ERBB4: variants seen among roughly 807,000 people sequenced by gnomAD.
The protein encoded by ERBB4 is receptor tyrosine-protein kinase erbB-4.
Under a neutral mutation model 158.0 loss-of-function variants are expected in ERBB4, and 42 were observed. That is an observed-to-expected ratio of 0.27 (90% CI 0.21 to 0.34). ERBB4 has a LOEUF of 0.34. Among genes scored for constraint, ERBB4 ranks in the 10% least tolerant of loss-of-function variants. ERBB4 has a pLI of 1.00. For synonymous variants in ERBB4, 583 were observed against 558.7 expected (o/e 1.04, Z -0.61); for missense variants, 1,333 against 1,624.1 (o/e 0.82, Z 3.08).
At chr2:212,219,263 G>A (rs1465105360) in intron 1 of ERBB4, among the ~76,000 whole-genome samples, 2 of 151,244 alleles carry the variant, frequency 1.3e-5, no homozygotes, top group African/African-American at 4.8e-5. Flanking sequence ...TTGCATTTCT[G>A]AAAAGTATAC....
intron 16 of ERBB4, among the ~76,000 whole-genome samples, chr2:211,650,188 A>G (rs2070932319): frequency 6.6e-6 from 1 of 152,072 alleles, no homozygotes; most frequent in African/African-American, 2.4e-5. Context: ...ATGGTGAAAT[A>G]AATTCAACTC....
chr2:212,323,886 G>A (rs1459569886), intron 1 of ERBB4, among the ~76,000 whole-genome samples: 5 of 150,292 alleles, frequency 3.3e-5, no homozygotes, highest in Non-Finnish European at 7.5e-5. Flanking sequence ...ATTGACTGAC[G>A]TGTTGAAGAA....
At chr2:211,643,109 A>G (rs936744551) in intron 16 of ERBB4, among the ~76,000 whole-genome samples, 2 of 152,088 alleles carry the variant, frequency 1.3e-5, no homozygotes, top group African/African-American at 4.8e-5. Context: ...TTCCTACTCC[A>G]TTACCCCTAA....
chr2:211,861,095 A>AT (rs1559585744), intron 3 of ERBB4, among the ~76,000 whole-genome samples: 2 of 35,070 alleles, frequency 5.7e-5, no homozygotes, highest in African/African-American at 2.3e-4. Flanking sequence ...AAAATATATA[A>AT]ATACATTATA....
At chr2:211,483,048 T>TA (rs1396607022) in intron 20 of ERBB4, among the ~76,000 whole-genome samples, 4 of 151,718 alleles carry the variant, frequency 2.6e-5, no homozygotes, top group Non-Finnish European at 4.4e-5. Context: ...ATAGAAGTTA[T>TA]AAAAAAAGAA....
intron 18 of ERBB4, among the ~76,000 whole-genome samples, chr2:211,622,135 T>G (rs1244714922): frequency 1.3e-5 from 2 of 152,230 alleles, no homozygotes; most frequent in African/African-American, 4.8e-5. Context: ...ATTATCCACA[T>G]AATTCGTTGA....
At chr2:212,357,395 C>T (rs554578503) in intron 1 of ERBB4, among the ~76,000 whole-genome samples, 6 of 151,738 alleles carry the variant, frequency 4.0e-5, no homozygotes, top group South Asian at 2.1e-4. Flanking sequence ...TGTGAGAATA[C>T]GACTTTAAAA....
At chr2:212,261,664 T>A (rs1399812450) in intron 1 of ERBB4, among the ~76,000 whole-genome samples, 1 of 152,126 alleles carries the variant, frequency 6.6e-6, no homozygotes, top group Admixed American at 6.6e-5. Flanking sequence ...AGCTACTTAG[T>A]GCTCAGATGC....
At chr2:211,514,855 T>G (rs980226168) in intron 20 of ERBB4, among the ~76,000 whole-genome samples, 3 of 152,138 alleles carry the variant, frequency 2.0e-5, no homozygotes, top group African/African-American at 7.2e-5. Context: ...TCTTTGAGTA[T>G]CACATTGGTG....
At chr2:212,477,739 C>T (rs936075371) in intron 1 of ERBB4, among the ~76,000 whole-genome samples, 1 of 152,066 alleles carries the variant, frequency 6.6e-6, no homozygotes, top group Non-Finnish European at 1.5e-5. Context: ...CTGCTTCATG[C>T]ATCTGTTTCC....
chr2:211,836,098 A>G (rs2077334954), intron 3 of ERBB4, among the ~76,000 whole-genome samples: 1 of 152,086 alleles, frequency 6.6e-6, no homozygotes, highest in South Asian at 2.1e-4. Flanking sequence ...AATAGGTTGT[A>G]TAATATATAT....
chr2:211,766,559 G>C (rs2075553894), intron 4 of ERBB4, among the ~76,000 whole-genome samples: 1 of 151,906 alleles, frequency 6.6e-6, no homozygotes, highest in Non-Finnish European at 1.5e-5. Context: ...TGAGAAATTA[G>C]AGAAAAAAAG....
At chr2:211,441,349 C>T (rs2063971078) in intron 20 of ERBB4, among the ~76,000 whole-genome samples, 3 of 152,060 alleles carry the variant, frequency 2.0e-5, no homozygotes, top group South Asian at 2.1e-4. Context: ...TTAAAACTGT[C>T]AAGAAATTGT....
At chr2:212,353,107 A>G (rs563783005) in intron 1 of ERBB4, among the ~76,000 whole-genome samples, 1 of 152,050 alleles carries the variant, frequency 6.6e-6, no homozygotes, top group African/African-American at 2.4e-5. Flanking sequence ...TTCTGTGTCA[A>G]ATGCAGCCGT....
intron 1 of ERBB4, among the ~76,000 whole-genome samples, chr2:212,460,011 T>A (rs73063113): frequency 0.038 from 5,727 of 152,182 alleles, 379 homozygotes; most frequent in African/African-American, 0.13. Context: ...TGAGGGTAAG[T>A]CTTTCTCATG....
chr2:211,570,140 G>T (rs538050284), intron 19 of ERBB4, among the ~76,000 whole-genome samples: 2 of 151,788 alleles, frequency 1.3e-5, no homozygotes, highest in Non-Finnish European at 2.9e-5. Flanking sequence ...ATTTATTTTT[G>T]TGTTTTTTAT....
intron 2 of ERBB4, among the ~76,000 whole-genome samples, chr2:211,985,264 A>T (rs1559249845): frequency 6.6e-6 from 1 of 152,146 alleles, no homozygotes; most frequent in Non-Finnish European, 1.5e-5. Flanking sequence ...CTGAAGAGGG[A>T]AGTAAAGAAA....
chr2:211,717,798 G>A (rs2073969252), intron 7 of ERBB4, among the ~76,000 whole-genome samples: 1 of 152,144 alleles, frequency 6.6e-6, no homozygotes, highest in African/African-American at 2.4e-5. Flanking sequence ...TTGCTCTCCA[G>A]CCTGGGTGAC....
intron 3 of ERBB4, among the ~76,000 whole-genome samples, chr2:211,804,872 T>C (rs1291630523): frequency 6.6e-6 from 1 of 152,040 alleles, no homozygotes; most frequent in South Asian, 2.1e-4. Flanking sequence ...TCCCTAACAG[T>C]GAGTGTTCTT....
Sources: gnomAD v4.1 joint callset for allele counts (sites outside exome capture counted in the v4.1 genomes callset) on GRCh38, gnomAD v4.1.1 for gene constraint, MANE v1.5 for transcripts, NCBI Gene and HGNC (gene_info 2026-07-23, HGNC 2026-07-21) for gene names.